The following KCNH1 variants were observed in gnomAD, a reference collection of about 807,000 sequenced individuals.
KCNH1 encodes potassium voltage-gated channel subfamily H member 1.
In KCNH1, 27 loss-of-function variants were observed where a neutral mutation model predicts 69.2. That is an observed-to-expected ratio of 0.39 (90% CI 0.29 to 0.54). The LOEUF is 0.54. KCNH1 is among the 20% of genes least tolerant of loss of function. The probability of loss-of-function intolerance (pLI) is 0.68; values close to 1 mark genes in which losing one functional copy is unlikely to be tolerated. For synonymous variants in KCNH1, 456 were observed against 487.7 expected, an observed-to-expected ratio of 0.93 and a Z score of 0.86; for missense variants, 798 against 1,261.6, an observed-to-expected ratio of 0.63 and a Z score of 5.57.
At chr1:210,701,255 G>GGAGA (rs1425493483) in intron 10 of KCNH1, among the ~76,000 whole-genome samples, 1 of 152,138 alleles carries the variant, frequency 6.6e-6, no homozygotes, top group African/African-American at 2.4e-5. Flanking sequence ...TTTTTTGGTA[G>GGAGA]GAGACAGGGG....
rs569720228 is a variant in KCNH1, at chr1:210,684,054, G to A, written c.2197C>T (p.Pro733Ser). 4 of 1,544,864 alleles carry A rather than the reference G, an allele frequency of 2.6e-6. No individual in the cohort carries two copies. Among genetic ancestry groups the A allele is most frequent in the African/African-American group, 1.4e-5 (1 of 72,802 alleles). Residue 733 changes from proline (P) to serine (S), a missense_variant, in exon 11 of 11, where the codon CCG (proline) becomes TCG (serine). By Grantham distance (74) the Pro-to-Ser change is moderately conservative. Coordinates refer to ENST00000271751, the MANE Select transcript of KCNH1 (RefSeq NM_172362.3). ...AAGAGGCGCCGGACAGGGTGGTCCG[G>A]GGGCAAGATCAGGGGGGCCTCATTC... is the stretch of plus-strand genomic sequence containing the variant. ...RKNEAPLILP[P>S]DHPVRRLFQR...
At chr1:211,069,331 A>G (rs1237128424) in intron 5 of KCNH1, among the ~76,000 whole-genome samples, 1 of 138,514 alleles carries the variant, frequency 7.2e-6, no homozygotes, top group Non-Finnish European at 1.5e-5. Flanking sequence ...TTTACCTAGC[A>G]CATGACAGCT....
intron 7 of KCNH1, among the ~76,000 whole-genome samples, chr1:210,844,804 A>G (rs1290565760): frequency 6.6e-6 from 1 of 152,174 alleles, no homozygotes; most frequent in Non-Finnish European, 1.5e-5. Context: ...TTTTTTGAAA[A>G]GATCAACAAA....
At chr1:210,869,279 C>T (rs1404307992) in intron 7 of KCNH1, among the ~76,000 whole-genome samples, 1 of 152,004 alleles carries the variant, frequency 6.6e-6, no homozygotes, top group Non-Finnish European at 1.5e-5. Context: ...TGTTGACCTG[C>T]TTGGATCTAT....
chr1:210,911,259 G>T (rs1449540201), intron 7 of KCNH1, among the ~76,000 whole-genome samples: 2 of 151,980 alleles, frequency 1.3e-5, no homozygotes, highest in East Asian at 3.9e-4. Context: ...ACCCCTCCTT[G>T]ACCTCCTCAC....
intron 5 of KCNH1, among the ~76,000 whole-genome samples, chr1:211,065,447 G>C (rs1476171046): frequency 6.6e-6 from 1 of 152,170 alleles, no homozygotes; most frequent in Non-Finnish European, 1.5e-5. Flanking sequence ...AATAGAAGTA[G>C]AGAGTAGACT....
At chr1:210,818,282 G>T (rs1249378772) in intron 7 of KCNH1, among the ~76,000 whole-genome samples, 1 of 152,054 alleles carries the variant, frequency 6.6e-6, no homozygotes, top group African/African-American at 2.4e-5. Context: ...CAGCCTAATA[G>T]TGATGTCCAT....
At chr1:211,067,544 T>G (rs1279744880) in intron 5 of KCNH1, among the ~76,000 whole-genome samples, 1 of 152,208 alleles carries the variant, frequency 6.6e-6, no homozygotes, top group Non-Finnish European at 1.5e-5. Flanking sequence ...CCTACCTGTT[T>G]TCACAGGTGT....
intron 5 of KCNH1, among the ~76,000 whole-genome samples, chr1:211,028,969 G>A (rs1472116686): frequency 6.6e-6 from 1 of 151,902 alleles, no homozygotes; most frequent in Non-Finnish European, 1.5e-5. Flanking sequence ...GAAAACTACA[G>A]ACTAATAGCT....
At chr1:210,803,900 G>T (rs1443241909) in intron 8 of KCNH1, 67 bp downstream of exon 8, 3 of 1,422,358 alleles carry the variant, frequency 2.1e-6, no homozygotes, top group Non-Finnish European at 2.9e-6. Context: ...ACTGTCTTAG[G>T]CAAGCCTCAA....
intron 7 of KCNH1, chr1:210,857,976 A>C (rs1402523969): frequency 6.6e-6 from 1 of 152,010 alleles, no homozygotes; most frequent in Non-Finnish European, 1.5e-5. Flanking sequence ...AGGAAGGGGG[A>C]GTGGGTGAGT....
chr1:211,007,424 C>T (rs1037649254), intron 6 of KCNH1, among the ~76,000 whole-genome samples: 2 of 152,194 alleles, frequency 1.3e-5, no homozygotes, highest in African/African-American at 4.8e-5. Flanking sequence ...CATTTGTCTT[C>T]CTTCACAAAT....
At chr1:210,863,994 C>T (rs1021470494) in intron 7 of KCNH1, among the ~76,000 whole-genome samples, 2 of 152,194 alleles carry the variant, frequency 1.3e-5, no homozygotes, top group African/African-American at 4.8e-5. Flanking sequence ...ACTAGAGGTG[C>T]CATGGCAGGT....
chr1:211,100,666 T>C (rs1691241708), intron 3 of KCNH1, among the ~76,000 whole-genome samples: 1 of 152,294 alleles, frequency 6.6e-6, no homozygotes, highest in East Asian at 1.9e-4. Flanking sequence ...TGTATTTATA[T>C]ATTTATTTAC....
intron 5 of KCNH1, among the ~76,000 whole-genome samples, chr1:211,045,236 A>G (rs1690076991): frequency 6.6e-6 from 1 of 151,440 alleles, no homozygotes; most frequent in Non-Finnish European, 1.5e-5. Context: ...AAGGCACAAG[A>G]ATGACACAAT....
At chr1:210,703,288 T>A (rs1399185104) in intron 10 of KCNH1, among the ~76,000 whole-genome samples, 1 of 152,134 alleles carries the variant, frequency 6.6e-6, no homozygotes. Flanking sequence ...ATAAGAGAGA[T>A]CACAGAAAAG....
intron 1 of KCNH1, among the ~76,000 whole-genome samples, chr1:211,113,923 A>T (rs948024761): frequency 4.0e-5 from 6 of 151,692 alleles, no homozygotes; most frequent in African/African-American, 1.5e-4. Context: ...GTAATAGCCT[A>T]CATTAGATCA....
At chr1:210,779,208 T>C (rs1683925514) in intron 9 of KCNH1, among the ~76,000 whole-genome samples, 1 of 152,218 alleles carries the variant, frequency 6.6e-6, no homozygotes, top group Admixed American at 6.5e-5. Context: ...AGTCTCAGTA[T>C]TGTCATAACT....
chr1:211,081,536 C>T (rs74869288), intron 5 of KCNH1, among the ~76,000 whole-genome samples: 2,549 of 152,282 alleles, frequency 0.017, 73 homozygotes, highest in African/African-American at 0.056. Context: ...TATTACGGCA[C>T]TATTCACAAT....
Sources: allele counts gnomAD v4.1 joint callset (sites outside exome capture counted in the v4.1 genomes callset), GRCh38; gene constraint gnomAD v4.1.1; transcripts MANE v1.5; gene names NCBI Gene and HGNC (gene_info 2026-07-23, HGNC 2026-07-21).